The following KLHL38 variants were observed in gnomAD, a reference collection of about 807,000 sequenced individuals.
KLHL38 encodes the protein kelch-like protein 38.
Under a neutral mutation model 39.6 loss-of-function variants are expected in KLHL38, and 38 were observed. The observed-to-expected ratio is 0.96, with a 90% CI of 0.74 to 1.26. KLHL38 has a LOEUF of 1.26. Among genes scored for constraint, KLHL38 ranks in the 50% most tolerant of loss-of-function variants. The probability of loss-of-function intolerance (pLI) is 0.00; values close to 1 mark genes in which losing one functional copy is unlikely to be tolerated. For synonymous variants in KLHL38, 322 were observed against 302.2 expected, an observed-to-expected ratio of 1.07 and a Z score of -0.68; for missense variants, 803 against 748.1, an observed-to-expected ratio of 1.07 and a Z score of -0.86.
At position 123,651,655 on chromosome 8, in the gene KLHL38, G is replaced by A. The variant is rs16898689; in HGVS notation, c.1272C>T (p.Pro424=). Residue 424 remains proline, a synonymous_variant, in exon 2 of 4, where the codon CCC becomes CCT. Transcript: ENST00000684634. ...GTCTTTGGTCTTTCACAGCGACTGC[G>A]GGGTGGAGCACCCCCACGGGCATGC... ...MASMPVGVLH[P]AVAVKDQRLY... is the part of the protein sequence containing the mutation. 140,430 of 1,613,710 alleles carry A rather than the reference G, an allele frequency of 0.087. 8,672 individuals are homozygous for A. Among genetic ancestry groups the A allele is most frequent in the East Asian group, 0.23 (10,273 of 44,876 alleles).
chr8:123,647,082 G>T, intron 2 of KLHL38, 68 bp from the exon 3 acceptor site: 2 of 897,656 alleles, frequency 2.2e-6, no homozygotes, highest in Admixed American at 2.0e-5. Flanking sequence ...GACAGAAGTA[G>T]TAATTACGAG....
intron 3 of KLHL38, 57 bp from the exon 4 acceptor site, chr8:123,646,085 C>T (rs945769910): frequency 1.1e-5 from 16 of 1,510,016 alleles, no homozygotes; most frequent in South Asian, 6.9e-5. Flanking sequence ...GACTGGAGGT[C>T]AGCAGTCCTG....
At chr8:123,653,410 C>T (rs1270605423) in intron 1 of KLHL38, among the ~76,000 whole-genome samples, 176 bp downstream of exon 1, 5 of 152,156 alleles carry the variant, frequency 3.3e-5, no homozygotes, top group Non-Finnish European at 7.3e-5. Context: ...GCCCTCTGGT[C>T]ACTGGACAGA....
At chr8:123,652,957 C>A (rs1812685394) in intron 1 of KLHL38, 30 bp from the exon 2 acceptor site, 1 of 1,554,886 alleles carries the variant, frequency 6.4e-7, no homozygotes, top group South Asian at 1.2e-5. Flanking sequence ...CCCCCAGAGT[C>A]AGCAAGAGTC....
Position 123,652,027 on chromosome 8 carries a change from C to T in KLHL38, c.900G>A (p.Arg300=). Residue 300 remains arginine (R), a synonymous_variant, in exon 2 of 4, where the codon AGG becomes AGA. Coordinates refer to ENST00000684634, the MANE Select transcript of KLHL38 (RefSeq NM_001081675.3). ...TCTGTTTGCTGTACAGTAGGACGTC[C>T]CTGGTGGTCTGCTGGCTGTCCTTCC... ...GGRKDSQQTT[R]DVLLYSKQTG... is the part of the protein sequence containing the mutation. 6.2e-7 allele frequency: 1 copy of T among 1,614,190 alleles called. No individual in the cohort carries two copies. The highest frequency in any genetic ancestry group is 8.5e-7 in the Non-Finnish European group (1 of 1,180,018).
In KLHL38 at chr8:123,651,958, G is replaced by A. The variant is rs767329808; in HGVS notation, c.969C>T (p.Tyr323=). ...QSLAKLPTRL[Y]KASAITLHRS... ...GGTGCAAGGTGATGGCAGAGGCCTT[G>A]TACAGCCGTGTCGGGAGTTTGGCAA... Residue 323 remains tyrosine, a synonymous_variant, in exon 2 of 4, where the codon TAC becomes TAT. Coordinates refer to ENST00000684634, the MANE Select transcript of KLHL38 (RefSeq NM_001081675.3). 3.7e-6 allele frequency: 6 copies of A among 1,614,252 alleles called. No individual in the cohort carries two copies. The East Asian group carries it at 1.3e-4, about 36-fold the overall frequency.
intron 3 of KLHL38, among the ~76,000 whole-genome samples, chr8:123,646,334 G>A (rs1276258559): frequency 6.6e-6 from 1 of 152,174 alleles, no homozygotes; most frequent in Non-Finnish European, 1.5e-5. Flanking sequence ...TCTCTCAAAT[G>A]CCCACTCAAG....
chr8:123,648,295 A>G (rs1180939416), intron 2 of KLHL38, among the ~76,000 whole-genome samples: 1 of 152,148 alleles, frequency 6.6e-6, no homozygotes, highest in Non-Finnish European at 1.5e-5. Context: ...CCCAGAATCC[A>G]TGCTCTTCAC....
At chr8:123,649,051 T>C (rs1277352426) in intron 2 of KLHL38, among the ~76,000 whole-genome samples, 1 of 152,190 alleles carries the variant, frequency 6.6e-6, no homozygotes, top group African/African-American at 2.4e-5. Flanking sequence ...CCCTCAGAGG[T>C]TTAATATTTT....
chr8:123,646,765 G>C (rs1310614031), intron 3 of KLHL38, 144 bp downstream of exon 3: 2 of 570,690 alleles, frequency 3.5e-6, no homozygotes, highest in Non-Finnish European at 6.2e-6. Flanking sequence ...AGAGAGTTTT[G>C]TCAGATTCTC....
At chr8:123,653,093 G>A in intron 1 of KLHL38, 166 bp from the exon 2 acceptor site, 1 of 711,750 alleles carries the variant, frequency 1.4e-6, no homozygotes, top group Non-Finnish European at 2.2e-6. Context: ...GATTGGAAAG[G>A]AAGGCCACAT....
At chr8:123,652,968 A>T in intron 1 of KLHL38, 41 bp from the exon 2 acceptor site, 1 of 1,546,414 alleles carries the variant, frequency 6.5e-7, no homozygotes, top group South Asian at 1.2e-5. Context: ...AGCAAGAGTC[A>T]AACCTTTCTC....
rs1818652182 is a variant in KLHL38 at position 123,645,804 on chromosome 8, G to A, written c.1681C>T (p.His561Tyr). Residue 561 changes from histidine (H) to tyrosine (Y), a missense_variant, in exon 4 of 4, where the codon CAC becomes TAC. Transcript: ENST00000684634. ...DTWTSQGQLP[H>Y]KLFDHACLTL... is the part of the protein sequence containing the mutation. ...AGGCAGGCATGGTCAAAGAGCTTGT[G>A]CGGCAGCTGTCCCTGGGATGTCCAG... 1 of 1,613,768 alleles carries A rather than the reference G, an allele frequency of 6.2e-7. No homozygotes were observed. Among genetic ancestry groups the A allele is most frequent in the African/African-American group, 1.3e-5 (1 of 74,818 alleles).
chr8:123,645,846 C>A lies in KLHL38; in HGVS notation c.1639G>T (p.Asp547Tyr). The A allele has an allele frequency of 6.2e-7, 1 of 1,613,672 alleles. No homozygotes were observed. The highest frequency in any genetic ancestry group is 8.5e-7 in the Non-Finnish European group (1 of 1,179,956). Residue 547 changes from aspartate (D) to tyrosine (Y), a missense_variant, in exon 4 of 4, where the codon GAC (aspartate) becomes TAC (tyrosine). Physicochemically the swap from Asp to Tyr is radical, Grantham distance 160 (BLOSUM62 -3). Coordinates refer to ENST00000684634, the MANE Select transcript of KLHL38 (RefSeq NM_001081675.3). ...IEDSASFDCY[D>Y]PETDTWTSQG... ...GATGTCCAGGTGTCCGTCTCGGGGT[C>A]GTAGCAATCGAAGGAGGCGGAGTCC...
At chr8:123,652,979 A>C in intron 1 of KLHL38, 52 bp from the exon 2 acceptor site, 22 of 1,526,896 alleles carry the variant, frequency 1.4e-5, no homozygotes, top group Non-Finnish European at 1.6e-5. Context: ...AACCTTTCTC[A>C]GCTGCATGTG....
chr8:123,648,160 C>T (rs1044638432), intron 2 of KLHL38, among the ~76,000 whole-genome samples: 2 of 152,210 alleles, frequency 1.3e-5, no homozygotes, highest in African/African-American at 4.8e-5. Flanking sequence ...TCTTCATAAC[C>T]ATCCTATGAG....
Position 123,652,921 on chromosome 8 carries a change from G to A in KLHL38, c.6C>T (p.Asp2=), listed in dbSNP as rs375305899. The A allele has an allele frequency of 5.3e-5, 85 of 1,591,046 alleles. No homozygotes were observed. The highest frequency in any genetic ancestry group is 4.4e-4 in the African/African-American group (33 of 74,842). The change falls in exon 2 of 4, where the codon GAC becomes GAT. Residue 2 remains aspartate (D), a synonymous_variant. Transcript: ENST00000684634. M[D]EESLDGLLFK... Reference sequence around the variant, plus strand: ...AGAGCAGCCCATCTAGTGACTCCTCGTCCATCCTACAAAGAGGGAAGGAAG... The same window carrying A: ...AGAGCAGCCCATCTAGTGACTCCTCATCCATCCTACAAAGAGGGAAGGAAG...
chr8:123,652,988 T>C, intron 1 of KLHL38, 61 bp from the exon 2 acceptor site: 1 of 1,506,690 alleles, frequency 6.6e-7, no homozygotes, highest in South Asian at 1.3e-5. Context: ...CAGCTGCATG[T>C]GCTGGAGGGT....
chr8:123,646,951 C>T lies in KLHL38; in HGVS notation c.1414G>A (p.Ala472Thr), dbSNP rs760008165. Residue 472 changes from alanine to threonine, a missense_variant, in exon 3 of 4, where the codon GCC (alanine) becomes ACC (threonine). Physicochemically the swap from Ala to Thr is moderately conservative, Grantham distance 58. Transcript: ENST00000684634. ...METRMIKNVC[A>T]PAVVLGERIV... ...CGCTCCCCAAGCACCACTGCAGGGG[C>T]ACACACGTTCTTGATCATTCTTGTC... 9.9e-6 allele frequency: 16 copies of T among 1,613,714 alleles called. No homozygotes were observed. The highest frequency in any genetic ancestry group is 1.3e-5 in the Non-Finnish European group (15 of 1,179,832).
Sources: gnomAD v4.1 joint callset for allele counts (sites outside exome capture counted in the v4.1 genomes callset) on GRCh38, gnomAD v4.1.1 for gene constraint, MANE v1.5 for transcripts, NCBI Gene and HGNC (gene_info 2026-07-23, HGNC 2026-07-21) for gene names.